Variants in ZMAT4 observed in about 807,000 individuals in gnomAD.
The protein encoded by ZMAT4 is zinc finger matrin-type protein 4.
Under a neutral mutation model 28.7 loss-of-function variants are expected in ZMAT4, and 17 were observed. The ratio of observed to expected loss-of-function variants is 0.59; its 90% CI spans 0.41 to 0.89. ZMAT4 has a LOEUF of 0.89. ZMAT4 is among the 40% of genes least tolerant of loss of function. The probability of loss-of-function intolerance (pLI) is 0.00; values close to 1 mark genes in which losing one functional copy is unlikely to be tolerated. For missense variants in ZMAT4, 240 were observed against 283.8 expected, an observed-to-expected ratio of 0.85 and a Z score of 1.11; for synonymous variants, 117 against 109.2, an observed-to-expected ratio of 1.07 and a Z score of -0.44.
intron 5 of ZMAT4, among the ~76,000 whole-genome samples, chr8:40,614,137 A>G (rs1186992564): frequency 3.3e-5 from 5 of 151,960 alleles, no homozygotes; most frequent in Admixed American, 3.3e-4. Context: ...TGAACCCCCT[A>G]TGTTTTTTCC....
intron 3 of ZMAT4, among the ~76,000 whole-genome samples, chr8:40,757,578 C>G: frequency 6.7e-6 from 1 of 150,230 alleles, no homozygotes; most frequent in South Asian, 2.1e-4. Context: ...AGAGCAAGAC[C>G]CCATCTCAAA....
At chr8:40,697,426 C>T (rs953798330) in intron 3 of ZMAT4, 25 bp from the exon 4 acceptor site, 13 of 1,510,308 alleles carry the variant, frequency 8.6e-6, no homozygotes, top group East Asian at 4.8e-5. Context: ...AGAAAGGCCA[C>T]GTGTGAGAGA....
At chr8:40,744,690 G>T (rs757160860) in intron 3 of ZMAT4, among the ~76,000 whole-genome samples, 10 of 152,122 alleles carry the variant, frequency 6.6e-5, no homozygotes, top group Non-Finnish European at 1.5e-4. Flanking sequence ...TTTGAGACTT[G>T]CATCTTCACA....
At chr8:40,768,654 T>A (rs1813260874) in intron 2 of ZMAT4, among the ~76,000 whole-genome samples, 1 of 152,184 alleles carries the variant, frequency 6.6e-6, no homozygotes. Flanking sequence ...ATGAGTCACA[T>A]TTTCTCCATG....
At chr8:40,549,935 G>A (rs531546135) in intron 6 of ZMAT4, among the ~76,000 whole-genome samples, 41 of 152,034 alleles carry the variant, frequency 2.7e-4, no homozygotes, top group African/African-American at 9.9e-4. Context: ...CCAACCAAAG[G>A]GCACCTTATA....
chr8:40,881,471 GA>G, intron 1 of ZMAT4, among the ~76,000 whole-genome samples: 1 of 141,670 alleles, frequency 7.1e-6, no homozygotes, highest in Non-Finnish European at 1.5e-5. Flanking sequence ...AAGAAAGAAA[GA>G]AAGAAAGAAA....
chr8:40,637,643 G>A (rs1319150509), intron 5 of ZMAT4, among the ~76,000 whole-genome samples: 1 of 152,142 alleles, frequency 6.6e-6, no homozygotes, highest in African/African-American at 2.4e-5. Context: ...AATAGAAAGA[G>A]GCACTAAGGC....
intron 4 of ZMAT4, among the ~76,000 whole-genome samples, chr8:40,694,449 C>A: frequency 6.6e-6 from 1 of 152,182 alleles, no homozygotes; most frequent in Non-Finnish European, 1.5e-5. Context: ...ATGGTCTTCT[C>A]AGCCTATCCT....
intron 2 of ZMAT4, among the ~76,000 whole-genome samples, chr8:40,774,102 A>T (rs541963321): frequency 6.6e-6 from 1 of 152,268 alleles, no homozygotes; most frequent in Admixed American, 6.5e-5. Context: ...TATGTGTAAG[A>T]AGAAAACCAC....
intron 1 of ZMAT4, among the ~76,000 whole-genome samples, chr8:40,842,926 C>A (rs912369184): frequency 2.0e-5 from 3 of 152,204 alleles, no homozygotes; most frequent in Non-Finnish European, 2.9e-5. Flanking sequence ...CAGGTGCCCA[C>A]CACCATGCCT....
At chr8:40,758,526 C>A (rs906339314) in intron 3 of ZMAT4, among the ~76,000 whole-genome samples, 2 of 152,196 alleles carry the variant, frequency 1.3e-5, no homozygotes, top group Non-Finnish European at 2.9e-5. Flanking sequence ...GGACCCTTAA[C>A]CATTCCTTCC....
intron 3 of ZMAT4, among the ~76,000 whole-genome samples, chr8:40,721,854 A>G (rs1278430588): frequency 3.3e-5 from 5 of 151,946 alleles, no homozygotes; most frequent in South Asian, 4.2e-4. Flanking sequence ...AATTTGTTTG[A>G]GTTCATTGTA....
intron 2 of ZMAT4, among the ~76,000 whole-genome samples, chr8:40,823,509 A>T (rs2003020): frequency 0.22 from 33,439 of 151,988 alleles, 3,898 homozygotes; most frequent in South Asian, 0.31. Context: ...ATACAAAAAA[A>T]TTAGCCAGGT....
intron 3 of ZMAT4, among the ~76,000 whole-genome samples, chr8:40,708,038 TCA>T (rs1188206113): frequency 6.6e-6 from 1 of 152,134 alleles, no homozygotes; most frequent in Admixed American, 6.6e-5. Flanking sequence ...AATAAAAAAC[TCA>T]CAGATAATAT....
chr8:40,556,945 G>T (rs1803559949), intron 6 of ZMAT4, among the ~76,000 whole-genome samples: 1 of 152,008 alleles, frequency 6.6e-6, no homozygotes, highest in African/African-American at 2.4e-5. Flanking sequence ...TATCTAACTG[G>T]ATGTTAGTAC....
chr8:40,753,069 G>A (rs1157818028), intron 3 of ZMAT4, among the ~76,000 whole-genome samples: 12 of 364 alleles, frequency 0.033, 1 homozygote, highest in Non-Finnish European at 0.036. Context: ...AACAGGCCCC[G>A]GTGTGTGGTG....
intron 5 of ZMAT4, among the ~76,000 whole-genome samples, chr8:40,621,093 G>A (rs929670951): frequency 2.0e-5 from 3 of 152,218 alleles, no homozygotes; most frequent in Admixed American, 2.0e-4. Flanking sequence ...CCTAACAAGA[G>A]TGAGTACCAT....
chr8:40,806,675 C>T (rs34821009), intron 2 of ZMAT4, among the ~76,000 whole-genome samples: 21,159 of 152,144 alleles, frequency 0.14, 1,923 homozygotes, highest in Non-Finnish European at 0.2. Context: ...CTGTGATGGA[C>T]GGCACATATT....
At chr8:40,577,577 TA>T (rs1449923458) in intron 6 of ZMAT4, among the ~76,000 whole-genome samples, 1 of 152,070 alleles carries the variant, frequency 6.6e-6, no homozygotes, top group Non-Finnish European at 1.5e-5. Flanking sequence ...TCCACCTAGA[TA>T]AAAGAAACAA....
Sources: allele counts gnomAD v4.1 joint callset (sites outside exome capture counted in the v4.1 genomes callset), GRCh38; gene constraint gnomAD v4.1.1; transcripts MANE v1.5; gene names NCBI Gene and HGNC (gene_info 2026-07-23, HGNC 2026-07-21).